The following NTNG1 variants were observed in gnomAD, a reference collection of about 807,000 sequenced individuals.
The protein encoded by NTNG1 is netrin-G1.
A neutral mutation model predicts 54.0 loss-of-function variants in NTNG1; 16 were observed. The ratio of observed to expected loss-of-function variants is 0.30; its 90% CI spans 0.20 to 0.45. NTNG1 has a LOEUF of 0.45. Among genes scored for constraint, NTNG1 ranks in the 20% least tolerant of loss-of-function variants. The pLI is 1.00. For synonymous variants in NTNG1, 255 were observed against 263.1 expected (o/e 0.97, Z 0.30); for missense variants, 530 against 678.7 (o/e 0.78, Z 2.43).
intron 2 of NTNG1, chr1:107,261,060 C>G (rs1158115310): frequency 6.6e-6 from 1 of 152,046 alleles, no homozygotes; most frequent in Non-Finnish European, 1.5e-5. Flanking sequence ...GGATCAGAGC[C>G]CAGAGAAGTA....
chr1:107,329,874 G>A lies in NTNG1; in HGVS notation c.887+4952G>A, dbSNP rs77650037. ...TCTGCTCTTAAGGAGCTGATATCCA[G>A]AAGGGACACAGACTTTATAAACAAC... On this transcript the variant is annotated intron_variant, in intron 3 of 7. Coordinates refer to ENST00000370068, the MANE Select transcript of NTNG1 (RefSeq NM_001113226.3). Among the ~76,000 whole-genome samples, 57 of 152,076 alleles carry A rather than the reference G, an allele frequency of 3.7e-4. No individual in the cohort carries two copies. In the East Asian group the frequency reaches 0.011, roughly 30 times the overall value.
chr1:107,333,074 G>A (rs1261589349), intron 3 of NTNG1, among the ~76,000 whole-genome samples: 1 of 152,052 alleles, frequency 6.6e-6, no homozygotes, highest in African/African-American at 2.4e-5. Context: ...GATTATAAAA[G>A]TAGGGTAGTT....
At chr1:107,350,132 A>T (rs1669513455) in intron 3 of NTNG1, among the ~76,000 whole-genome samples, 1 of 152,150 alleles carries the variant, frequency 6.6e-6, no homozygotes, top group Non-Finnish European at 1.5e-5. Flanking sequence ...TCTGATTAAT[A>T]ATCTCATTAC....
chr1:107,243,798 T>A (rs895401272), intron 2 of NTNG1, among the ~76,000 whole-genome samples: 1 of 151,996 alleles, frequency 6.6e-6, no homozygotes, highest in Admixed American at 6.6e-5. Flanking sequence ...AATATATGAC[T>A]CTGCACTCGA....
intron 2 of NTNG1, among the ~76,000 whole-genome samples, chr1:107,279,730 C>G (rs1664704541): frequency 6.6e-6 from 1 of 152,114 alleles, no homozygotes; most frequent in Non-Finnish European, 1.5e-5. Flanking sequence ...GAATATAATT[C>G]TGGGTAGAAA....
chr1:107,299,021 A>C (rs1424048393), intron 2 of NTNG1, among the ~76,000 whole-genome samples: 1 of 152,188 alleles, frequency 6.6e-6, no homozygotes, highest in Non-Finnish European at 1.5e-5. Flanking sequence ...GGTTATGGGT[A>C]CATTATGCTA....
At chr1:107,342,584 A>T (rs144597804) in intron 3 of NTNG1, among the ~76,000 whole-genome samples, 2 of 152,248 alleles carry the variant, frequency 1.3e-5, no homozygotes, top group African/African-American at 4.8e-5. Flanking sequence ...AGAGTTTGTT[A>T]AAAAGAATGT....
intron 5 of NTNG1, among the ~76,000 whole-genome samples, chr1:107,424,340 T>C (rs583169): frequency 0.75 from 114,095 of 151,948 alleles, 43,906 homozygotes; most frequent in Non-Finnish European, 0.83. Context: ...AATTAGGAGG[T>C]GAGTGCTAGC....
chr1:107,385,668 AC>A (rs1671918949), intron 3 of NTNG1, among the ~76,000 whole-genome samples: 1 of 151,738 alleles, frequency 6.6e-6, no homozygotes, highest in Non-Finnish European at 1.5e-5. Context: ...GCTCCTAACA[AC>A]CCCTTTTGTA....
intron 2 of NTNG1, among the ~76,000 whole-genome samples, chr1:107,231,321 C>T (rs1425587665): frequency 6.6e-6 from 1 of 152,172 alleles, no homozygotes; most frequent in Non-Finnish European, 1.5e-5. Flanking sequence ...TGGATGTAGC[C>T]TCTGCACTGT....
chr1:107,460,999 A>G (rs138976612), intron 7 of NTNG1, among the ~76,000 whole-genome samples: 20 of 152,328 alleles, frequency 1.3e-4, no homozygotes, highest in African/African-American at 4.1e-4. Context: ...AAAATCCATT[A>G]TCCCTGGCCT....
intron 2 of NTNG1, among the ~76,000 whole-genome samples, chr1:107,233,355 T>C (rs923952900): frequency 3.3e-5 from 5 of 152,222 alleles, no homozygotes; most frequent in African/African-American, 1.2e-4. Context: ...ATATGAAGTC[T>C]CTTGAACTCT....
At chr1:107,179,359 A>C (rs1656896330) in intron 2 of NTNG1, among the ~76,000 whole-genome samples, 1 of 152,146 alleles carries the variant, frequency 6.6e-6, no homozygotes, top group African/African-American at 2.4e-5. Flanking sequence ...TTCATCCTAG[A>C]AACTGAAGCA....
intron 4 of NTNG1, chr1:107,403,647 T>A (rs1570883688): frequency 6.5e-6 from 1 of 154,230 alleles, no homozygotes; most frequent in African/African-American, 2.4e-5. Context: ...GAGGTGGAGG[T>A]TGCAGTGAGC....
chr1:107,215,121 GC>G (rs747378588), intron 2 of NTNG1, among the ~76,000 whole-genome samples: 4 of 152,074 alleles, frequency 2.6e-5, no homozygotes, highest in Non-Finnish European at 5.9e-5. Flanking sequence ...CTGTGCAGAA[GC>G]TTTTTAGTTT....
intron 2 of NTNG1, among the ~76,000 whole-genome samples, chr1:107,281,822 C>T (rs1276243522): frequency 6.6e-6 from 1 of 152,084 alleles, no homozygotes; most frequent in Non-Finnish European, 1.5e-5. Context: ...GCATACTTTG[C>T]AGTTAACATT....
In NTNG1 at chr1:107,333,844, G is replaced by A. The variant is rs964245170; in HGVS notation, c.887+8922G>A. The A allele has an allele frequency of 7.0e-5, 10 of 142,134 alleles. No homozygotes were observed. The East Asian group carries it at 8.2e-4, about 12-fold the overall frequency. The allele number at this position is 142,134 out of a possible 1,614,324, so 8.8% of individuals were successfully genotyped here. On this transcript the variant is annotated intron_variant, in intron 3 of 7. Coordinates refer to ENST00000370068, the MANE Select transcript of NTNG1 (RefSeq NM_001113226.3). ...CTTTTTTTTTTTTTTTTTAACTGTC[G>A]CTCTTATTTTTTGAACCTTGGAGTA...
Position 107,481,305 on chromosome 1 carries a change from G to A in NTNG1, c.*465G>A, listed in dbSNP as rs1416858113. The A allele has an allele frequency of 1.2e-5, 2 of 160,408 alleles. No individual in the cohort carries two copies. The highest frequency in any genetic ancestry group is 2.4e-5 in the African/African-American group (1 of 41,830). 9.9% of individuals were successfully genotyped at this position (160,408 alleles called of 1,614,324 possible). A position where few individuals can be genotyped will look rare whatever the true frequency, so the allele number is the denominator to read the frequency against. On this transcript the variant is annotated 3_prime_UTR_variant, in exon 8 of 8. Coordinates refer to ENST00000370068, the MANE Select transcript of NTNG1 (RefSeq NM_001113226.3). The stretch of plus-strand genomic sequence containing the variant: ...CTGTTACAAGCTGCCATATTGGCCT[G>A]CTTCCGTCCCTGAATCCCTTCCAAC...
chr1:107,446,321 T>G (rs1343424266), intron 7 of NTNG1, among the ~76,000 whole-genome samples: 1 of 152,042 alleles, frequency 6.6e-6, no homozygotes, highest in Non-Finnish European at 1.5e-5. Context: ...CAATTTAGCA[T>G]CAATTTAGTA....
Sources: allele counts gnomAD v4.1 joint callset (sites outside exome capture counted in the v4.1 genomes callset), GRCh38; gene constraint gnomAD v4.1.1; transcripts MANE v1.5; gene names NCBI Gene and HGNC (gene_info 2026-07-23, HGNC 2026-07-21).